CCDC178: variants seen among roughly 807,000 people sequenced by gnomAD.
The protein encoded by CCDC178 is coiled-coil domain containing 178, also known as coiled-coil domain-containing protein 178.
In CCDC178, 126 loss-of-function variants were observed where a neutral mutation model predicts 117.4. The ratio of observed to expected loss-of-function variants is 1.07; its 90% CI spans 0.93 to 1.24. The LOEUF is 1.24. CCDC178 is among the 50% of genes most tolerant of loss of function. The pLI is 0.00. For missense variants in CCDC178, 1,030 were observed against 986.9 expected, an observed-to-expected ratio of 1.04 and a Z score of -0.59; for synonymous variants, 283 against 313.4, an observed-to-expected ratio of 0.90 and a Z score of 1.02.
At chr18:33,343,009 G>C (rs143206697) in intron 9 of CCDC178, among the ~76,000 whole-genome samples, 4 of 152,194 alleles carry the variant, frequency 2.6e-5, no homozygotes, top group Non-Finnish European at 5.9e-5. Context: ...CACCCCCTGG[G>C]GTGATTAGCT....
At position 33,054,560 on chromosome 18, in the gene CCDC178, T is replaced by G. The variant is rs148970573; in HGVS notation, c.2388+38201A>C. Among the ~76,000 whole-genome samples the G allele has an allele frequency of 1.1e-3, 169 of 152,352 alleles. 1 individual carries two copies. The East Asian group carries it at 0.026, about 24-fold the overall frequency. On this transcript the variant is annotated intron_variant, in intron 21 of 22. Transcript: ENST00000383096. ...TCCTGCGTTAGTTTGATGAGGATAATGGCTTCCAACTCCATCCATGTCCCT... is the reference window on the plus strand; with the variant it reads ...TCCTGCGTTAGTTTGATGAGGATAAGGGCTTCCAACTCCATCCATGTCCCT...
intron 21 of CCDC178, among the ~76,000 whole-genome samples, chr18:33,011,774 A>ATAAAAAT (rs1309301802): frequency 7.1e-5 from 7 of 97,940 alleles, no homozygotes; most frequent in African/African-American, 3.3e-4. Flanking sequence ...ATGCAAAAAA[A>ATAAAAAT]AAAAAAAAAA....
In CCDC178 at chr18:33,389,640, G is replaced by GA. The variant is rs757185592; in HGVS notation, c.119-12dup. The GA allele has an allele frequency of 5.8e-6, 8 of 1,382,062 alleles. No homozygotes were observed. The highest frequency in any genetic ancestry group is 1.5e-5 in the African/African-American group (1 of 67,110). 85.6% of individuals were successfully genotyped at this position (1,382,062 alleles called of 1,614,324 possible). ...GAGACATGGCATTGCCTTTTAAAAA[G>GA]AAAAAATACATATTTTAGTGAGTAG... is the stretch of plus-strand genomic sequence containing the variant. On this transcript the variant is annotated splice_polypyrimidine_tract_variant and intron_variant, in intron 4 of 22. Coordinates refer to ENST00000383096, the MANE Select transcript of CCDC178 (RefSeq NM_001105528.4).
intron 4 of CCDC178, among the ~76,000 whole-genome samples, chr18:33,390,306 C>T (rs1452316119): frequency 6.6e-6 from 1 of 151,794 alleles, no homozygotes; most frequent in African/African-American, 2.4e-5. Flanking sequence ...AATATATGTA[C>T]ACTTAATGCA....
chr18:33,436,467 T>C (rs2064291673), intron 2 of CCDC178, among the ~76,000 whole-genome samples: 1 of 152,208 alleles, frequency 6.6e-6, no homozygotes. Flanking sequence ...ATTTGTTTTC[T>C]GGTTTTAATG....
intron 11 of CCDC178, among the ~76,000 whole-genome samples, chr18:33,311,636 G>A (rs1005988640): frequency 6.6e-6 from 1 of 152,212 alleles, no homozygotes; most frequent in Non-Finnish European, 1.5e-5. Context: ...CTGGGAAAAG[G>A]CCTGTCCCCT....
chr18:33,052,085 C>T (rs1315417561), intron 21 of CCDC178, among the ~76,000 whole-genome samples: 4 of 152,124 alleles, frequency 2.6e-5, no homozygotes, highest in Non-Finnish European at 5.9e-5. Context: ...TGACCAGGAA[C>T]AGAATAAGCT....
At position 33,370,108 on chromosome 18, in the gene CCDC178, T is replaced by C. The variant is rs757747162; in HGVS notation, c.290A>G (p.Asn97Ser). ...AVVNIPAPCV[N>S]KMISHIQDVE... is the part of the protein sequence containing the mutation. ...ATCTTGGATGTGTGAAATCATTTTG[T>C]TGACACAAGGTGCTGGAATATTTAC... Residue 97 changes from asparagine to serine, a missense_variant, in exon 6 of 23, where the codon AAC becomes AGC. Physicochemically the swap from Asn to Ser is conservative, Grantham distance 46 (BLOSUM62 1). Transcript: ENST00000383096. The C allele has an allele frequency of 6.2e-7, 1 of 1,606,666 alleles. No individual in the cohort carries two copies. The highest frequency in any genetic ancestry group is 8.5e-7 in the Non-Finnish European group (1 of 1,176,714).
At chr18:33,308,362 C>T (rs4284715) in intron 11 of CCDC178, among the ~76,000 whole-genome samples, 138,412 of 152,218 alleles carry the variant, frequency 0.91, 63,076 homozygotes, top group East Asian at 1. Flanking sequence ...CTTTTTTTGG[C>T]CAATTACTCC....
chr18:33,353,404 T>C (rs539962114), intron 7 of CCDC178, among the ~76,000 whole-genome samples: 9 of 152,158 alleles, frequency 5.9e-5, no homozygotes, highest in Non-Finnish European at 1.3e-4. Flanking sequence ...ATATAAGAAG[T>C]AATTACTGAT....
At chr18:33,429,583 G>A (rs1388093343) in intron 2 of CCDC178, among the ~76,000 whole-genome samples, 1 of 151,864 alleles carries the variant, frequency 6.6e-6, no homozygotes, top group African/African-American at 2.4e-5. Flanking sequence ...ATCCTATAAG[G>A]GATAGAAAAT....
At chr18:33,358,208 A>G (rs2063082639) in intron 6 of CCDC178, among the ~76,000 whole-genome samples, 1 of 152,052 alleles carries the variant, frequency 6.6e-6, no homozygotes, top group Non-Finnish European at 1.5e-5. Flanking sequence ...TGACCAAATA[A>G]TGAAAAAGAC....
chr18:33,358,834 C>CAT (rs2063091701), intron 6 of CCDC178, among the ~76,000 whole-genome samples: 1 of 151,656 alleles, frequency 6.6e-6, no homozygotes, highest in Non-Finnish European at 1.5e-5. Context: ...GTGTTTACAA[C>CAT]ATATACAACT....
intron 14 of CCDC178, among the ~76,000 whole-genome samples, chr18:33,260,077 G>A (rs189497861): frequency 6.6e-6 from 1 of 151,796 alleles, no homozygotes; most frequent in African/African-American, 2.4e-5. Context: ...ATTACACATG[G>A]CCAGCAGAAT....
intron 20 of CCDC178, among the ~76,000 whole-genome samples, chr18:33,161,878 T>A (rs1033034218): frequency 6.6e-6 from 1 of 152,164 alleles, no homozygotes; most frequent in African/African-American, 2.4e-5. Context: ...ACAATAAACA[T>A]ATGTGTGCAT....
intron 9 of CCDC178, among the ~76,000 whole-genome samples, chr18:33,340,745 GT>G (rs1291866421): frequency 6.6e-6 from 1 of 152,216 alleles, no homozygotes; most frequent in African/African-American, 2.4e-5. Flanking sequence ...TGTTGAGCCT[GT>G]GAGTGCACAG....
chr18:33,253,606 A>AC (rs749491853), intron 14 of CCDC178, among the ~76,000 whole-genome samples: 3 of 152,064 alleles, frequency 2.0e-5, no homozygotes, highest in Non-Finnish European at 4.4e-5. Flanking sequence ...TCTGAGATAA[A>AC]CAATGGATAT....
intron 20 of CCDC178, among the ~76,000 whole-genome samples, chr18:33,117,977 G>A (rs1446190296): frequency 6.6e-6 from 1 of 152,196 alleles, no homozygotes; most frequent in African/African-American, 2.4e-5. Flanking sequence ...AATTTCCCCA[G>A]GGTAGTCAGG....
At chr18:33,224,024 G>A (rs1162532599) in intron 17 of CCDC178, among the ~76,000 whole-genome samples, 2 of 152,078 alleles carry the variant, frequency 1.3e-5, no homozygotes, top group Non-Finnish European at 2.9e-5. Flanking sequence ...AGGCTTTGAA[G>A]CTCAAAATAA....
Sources: gnomAD v4.1 joint callset for allele counts (sites outside exome capture counted in the v4.1 genomes callset) on GRCh38, gnomAD v4.1.1 for gene constraint, MANE v1.5 for transcripts, NCBI Gene and HGNC (gene_info 2026-07-23, HGNC 2026-07-21) for gene names.